Variants in PCGF6 observed in about 807,000 individuals in gnomAD.
PCGF6 encodes the protein polycomb group ring finger 6.
Under a neutral mutation model 45.5 loss-of-function variants are expected in PCGF6, and 24 were observed. The observed-to-expected ratio is 0.53, with a 90% CI of 0.38 to 0.74. PCGF6 has a LOEUF of 0.74. Among genes scored for constraint, PCGF6 ranks in the 30% least tolerant of loss-of-function variants. The pLI is 0.00. For synonymous variants in PCGF6, 152 were observed against 162.1 expected, an observed-to-expected ratio of 0.94 and a Z score of 0.47; for missense variants, 356 against 443.2, an observed-to-expected ratio of 0.80 and a Z score of 1.77.
At chr10:103,346,329 TA>T (rs1272908043) in intron 5 of PCGF6, among the ~76,000 whole-genome samples, 1 of 151,078 alleles carries the variant, frequency 6.6e-6, no homozygotes, top group Non-Finnish European at 1.5e-5. Context: ...CCGTCTCTAT[TA>T]AAAATACAAA....
At chr10:103,309,798 G>A (rs1398327965) in intron 9 of PCGF6, among the ~76,000 whole-genome samples, 1 of 152,108 alleles carries the variant, frequency 6.6e-6, no homozygotes, top group South Asian at 2.1e-4. Context: ...AGATGTGGTG[G>A]TGCACATCTG....
intron 8 of PCGF6, among the ~76,000 whole-genome samples, chr10:103,322,807 G>C (rs1003597728): frequency 2.0e-5 from 3 of 151,186 alleles, no homozygotes; most frequent in Non-Finnish European, 2.9e-5. Flanking sequence ...ATGGGTGACA[G>C]AGCAAGACTC....
chr10:103,348,006 CCCT>C (rs2093306033), intron 3 of PCGF6, among the ~76,000 whole-genome samples: 1 of 690 alleles, frequency 1.4e-3, no homozygotes, highest in Non-Finnish European at 0.17. Flanking sequence ...TAGTATTTTT[CCCT>C]CTCTTAAGAA....
chr10:103,338,724 C>G (rs1228637461), intron 6 of PCGF6, among the ~76,000 whole-genome samples: 1 of 151,502 alleles, frequency 6.6e-6, no homozygotes, highest in Non-Finnish European at 1.5e-5. Context: ...AAAACTTAAC[C>G]GGGCATGGTG....
intron 7 of PCGF6, among the ~76,000 whole-genome samples, chr10:103,330,088 T>G (rs75383465): frequency 0.011 from 1,738 of 151,756 alleles, 19 homozygotes; most frequent in Non-Finnish European, 0.015. Context: ...TTGTTTGTTT[T>G]TTTTTTGAGA....
rs1270965094 is a variant in PCGF6 at position 103,348,964 on chromosome 10, G to T, written c.396C>A (p.Ile132=). The T allele has an allele frequency of 6.2e-7, 1 of 1,613,786 alleles. No homozygotes were observed. Among genetic ancestry groups the T allele is most frequent in the Non-Finnish European group, 8.5e-7 (1 of 1,179,842 alleles). ...LINLSELTPY[I]LCSICKGYLI... ...AGTAACCTTTGCAAATGGAACACAA[G>T]ATGTATGGGGTCAGCTCAGAGAGAT... The change falls in exon 2 of 10, where the codon ATC becomes ATA. Residue 132 remains isoleucine, a synonymous_variant. Coordinates refer to ENST00000369847, the MANE Select transcript of PCGF6 (RefSeq NM_001011663.2).
At chr10:103,332,632 A>T (rs2093244079) in intron 7 of PCGF6, among the ~76,000 whole-genome samples, 1 of 152,072 alleles carries the variant, frequency 6.6e-6, no homozygotes, top group South Asian at 2.1e-4. Context: ...ACTCTGTTGG[A>T]CTGACTACTA....
chr10:103,316,007 TATATATAGAGAG>T (rs2093174517), intron 8 of PCGF6, among the ~76,000 whole-genome samples: 1 of 128,032 alleles, frequency 7.8e-6, no homozygotes, highest in Non-Finnish European at 1.7e-5. Context: ...TATATATATA[TATATATAGAGAG>T]AGAGAGAGAG....
intron 6 of PCGF6, among the ~76,000 whole-genome samples, chr10:103,343,779 G>A (rs866200523): frequency 1.6e-5 from 2 of 122,406 alleles, no homozygotes; most frequent in South Asian, 2.8e-4. Context: ...GTTGCAATAA[G>A]CTGAGATTGC....
At chr10:103,305,897 TA>T (rs951962252) in intron 9 of PCGF6, among the ~76,000 whole-genome samples, 503 of 136,714 alleles carry the variant, frequency 3.7e-3, no homozygotes, top group Non-Finnish European at 4.0e-3. Flanking sequence ...TTATATAATT[TA>T]AAAAAAAAAA....
intron 9 of PCGF6, among the ~76,000 whole-genome samples, chr10:103,305,947 C>T (rs554814800): frequency 4.0e-5 from 6 of 151,884 alleles, no homozygotes; most frequent in Admixed American, 3.9e-4. Context: ...AAGAATGCCC[C>T]AGGGCAGTTA....
intron 7 of PCGF6, among the ~76,000 whole-genome samples, chr10:103,327,697 C>CA: frequency 6.6e-6 from 1 of 150,810 alleles, no homozygotes; most frequent in South Asian, 2.1e-4. Context: ...TTTTTTGAGA[C>CA]AGAGTCTCAC....
intron 9 of PCGF6, among the ~76,000 whole-genome samples, chr10:103,310,463 T>C (rs868247666): frequency 6.6e-6 from 1 of 152,082 alleles, no homozygotes; most frequent in South Asian, 2.1e-4. Context: ...ATGCATTTCA[T>C]TATATGTCAA....
intron 1 of PCGF6, 88 bp from the exon 2 acceptor site, chr10:103,349,087 A>T: frequency 8.8e-7 from 1 of 1,137,308 alleles, no homozygotes. Context: ...CTCACTCTGT[A>T]GCCCAAGCTG....
At chr10:103,332,900 A>G (rs1283336255) in intron 7 of PCGF6, among the ~76,000 whole-genome samples, 1 of 152,070 alleles carries the variant, frequency 6.6e-6, no homozygotes, top group Non-Finnish European at 1.5e-5. Flanking sequence ...GGGTCACCGG[A>G]GGTCAGGAGT....
chr10:103,326,702 T>C (rs2093220249), intron 7 of PCGF6, 70 bp from the exon 8 acceptor site: 9 of 1,105,140 alleles, frequency 8.1e-6, no homozygotes, highest in East Asian at 7.4e-5. Context: ...TATGTGTATA[T>C]ATATGTAATG....
chr10:103,345,525 A>G (rs1016416686), intron 5 of PCGF6, among the ~76,000 whole-genome samples: 8 of 150,070 alleles, frequency 5.3e-5, no homozygotes, highest in African/African-American at 2.0e-4. Flanking sequence ...TTTTTTTCTT[A>G]ACTAATAAAG....
intron 8 of PCGF6, 133 bp from the exon 9 acceptor site, chr10:103,314,405 T>C: frequency 1.9e-6 from 1 of 529,616 alleles, no homozygotes; most frequent in Non-Finnish European, 3.3e-6. Context: ...TTAAACGCTC[T>C]TGAAAAGAGA....
chr10:103,339,495 T>C lies in PCGF6; in HGVS notation c.782+5529A>G, dbSNP rs1254222034. On this transcript the variant is annotated intron_variant, in intron 6 of 9. Coordinates refer to ENST00000369847, the MANE Select transcript of PCGF6 (RefSeq NM_001011663.2). ...TTTTATTTACACAGGAGGACCTTAA[T>C]ATATACCTTATGAGTCCAGGTGCAG... Among the ~76,000 whole-genome samples the C allele has an allele frequency of 4.6e-5, 7 of 151,756 alleles. No homozygotes were observed. The East Asian group carries it at 1.4e-3, about 30-fold the overall frequency.
Sources: allele counts gnomAD v4.1 joint callset (sites outside exome capture counted in the v4.1 genomes callset), GRCh38; gene constraint gnomAD v4.1.1; transcripts MANE v1.5; gene names NCBI Gene and HGNC (gene_info 2026-07-23, HGNC 2026-07-21).